Variants in TMTC4 observed in about 807,000 individuals in gnomAD.
The protein encoded by TMTC4 is transmembrane O-mannosyltransferase targeting cadherins 4, also known as protein O-mannosyl-transferase TMTC4.
In TMTC4, 65 loss-of-function variants were observed where a neutral mutation model predicts 86.0. The observed-to-expected ratio is 0.76, with a 90% CI of 0.62 to 0.93. The LOEUF (loss-of-function observed/expected upper bound fraction) is 0.93, where lower values mean the gene tolerates loss of function less well. Ranked by LOEUF, TMTC4 falls within the 40% of genes least tolerant of loss-of-function variation. The pLI is 0.00. For synonymous variants in TMTC4, 379 were observed against 382.5 expected, an observed-to-expected ratio of 0.99 and a Z score of 0.11; for missense variants, 866 against 948.1, an observed-to-expected ratio of 0.91 and a Z score of 1.14.
rs1400518834 is a variant in TMTC4, at chr13:100,621,519, G to A, written c.1836+4016C>T. On this transcript the variant is annotated intron_variant, in intron 15 of 18. Coordinates refer to ENST00000342624, the MANE Select transcript of TMTC4 (RefSeq NM_032813.5). ...CGGTTCACTGCAAGCTCCGCCTCCC[G>A]GGTTCACGCCATTCTCCTGCCTCAG... Among the ~76,000 whole-genome samples, 13 of 152,066 alleles carry A rather than the reference G, an allele frequency of 8.5e-5. No homozygotes were observed. In the East Asian group the frequency reaches 1.9e-3, roughly 23 times the overall value.
At chr13:100,644,287 T>C (rs971085469) in intron 6 of TMTC4, among the ~76,000 whole-genome samples, 1 of 151,952 alleles carries the variant, frequency 6.6e-6, no homozygotes, top group Admixed American at 6.5e-5. Context: ...GTATTTTTAG[T>C]AGAGACGGGG....
intron 2 of TMTC4, among the ~76,000 whole-genome samples, chr13:100,669,387 C>A (rs530034458): frequency 6.6e-6 from 1 of 152,208 alleles, no homozygotes; most frequent in African/African-American, 2.4e-5. Context: ...TCCTAGGCTA[C>A]TGGCTCAACA....
At chr13:100,656,733 G>C (rs972203561) in intron 5 of TMTC4, among the ~76,000 whole-genome samples, 1 of 151,640 alleles carries the variant, frequency 6.6e-6, no homozygotes, top group South Asian at 2.1e-4. Context: ...TTGTAGAGAC[G>C]GGGTTTCACC....
intron 6 of TMTC4, among the ~76,000 whole-genome samples, chr13:100,645,582 C>T (rs1311796998): frequency 6.6e-6 from 1 of 151,874 alleles, no homozygotes; most frequent in Non-Finnish European, 1.5e-5. Flanking sequence ...CTCTCCATGT[C>T]CCTGACTGCC....
At chr13:100,665,806 G>GT (rs1212767569) in intron 3 of TMTC4, among the ~76,000 whole-genome samples, 2 of 152,244 alleles carry the variant, frequency 1.3e-5, no homozygotes, top group Non-Finnish European at 2.9e-5. Context: ...TGCAAAGCTG[G>GT]TCACTGATGT....
chr13:100,621,274 G>A (rs1000832734), intron 15 of TMTC4, among the ~76,000 whole-genome samples: 5 of 152,136 alleles, frequency 3.3e-5, no homozygotes, highest in African/African-American at 1.2e-4. Flanking sequence ...TGCAGTGACG[G>A]GCAGCTACTA....
Position 100,603,966 on chromosome 13 carries a change from A to T in TMTC4, c.*1028T>A, listed in dbSNP as rs1340146054. 6.5e-6 allele frequency: 1 copy of T among 152,682 alleles called. No homozygotes were observed. Among genetic ancestry groups the T allele is most frequent in the African/African-American group, 2.4e-5 (1 of 41,474 alleles). The allele number at this position is 152,682 out of a possible 1,614,324, so 9.5% of individuals were successfully genotyped here. On this transcript the variant is annotated 3_prime_UTR_variant, in exon 19 of 19. Transcript: ENST00000342624. ...TGTGTAGTAATTTTACTGCATAAGA[A>T]ATTACAGAGATTGCATAAATCATTA...
intron 12 of TMTC4, among the ~76,000 whole-genome samples, chr13:100,630,536 A>G (rs181171602): frequency 1.3e-5 from 2 of 152,288 alleles, no homozygotes; most frequent in East Asian, 3.9e-4. Context: ...CTAAATGATT[A>G]GAATTTGAGC....
At chr13:100,607,204 TTAAGGGGAGCATGCTTTCA>T (rs2153020874) in intron 17 of TMTC4, among the ~76,000 whole-genome samples, 1 of 152,290 alleles carries the variant, frequency 6.6e-6, no homozygotes, top group African/African-American at 2.4e-5. Context: ...TTCGCATTCC[TTAAGGGGAGCATGCTTTCA>T]TCAGTATCAC....
chr13:100,663,651 G>A (rs1177149705), intron 4 of TMTC4, among the ~76,000 whole-genome samples: 1 of 152,182 alleles, frequency 6.6e-6, no homozygotes, highest in African/African-American at 2.4e-5. Flanking sequence ...TCCGCTGGCA[G>A]GGATTCCTAT....
At chr13:100,665,567 G>A (rs899933407) in intron 3 of TMTC4, among the ~76,000 whole-genome samples, 3 of 152,308 alleles carry the variant, frequency 2.0e-5, no homozygotes, top group South Asian at 2.1e-4. Context: ...CCCACCTCGC[G>A]TGACCAGTTC....
In TMTC4 at chr13:100,642,313, T is replaced by A. The variant is rs1343567808; in HGVS notation, c.641-2A>T. 6.2e-7 allele frequency: 1 copy of A among 1,614,064 alleles called. No individual in the cohort carries two copies. The highest frequency in any genetic ancestry group is 1.3e-5 in the African/African-American group (1 of 74,940). ...AAGAATGCGCTCCCTCCTTGTTACC[T>A]GCCAATTAAGAGAAATGATCAGTGC... On this transcript the variant is annotated splice_acceptor_variant, in intron 6 of 18. Coordinates refer to ENST00000342624, the MANE Select transcript of TMTC4 (RefSeq NM_032813.5). LOFTEE classifies it high-confidence loss of function.
In TMTC4 at chr13:100,638,011, C is replaced by T. The variant is rs368785160; in HGVS notation, c.753G>A (p.Ala251=). The change falls in exon 8 of 19, where the codon GCG becomes GCA. Residue 251 remains alanine, a synonymous_variant. Coordinates refer to ENST00000342624, the MANE Select transcript of TMTC4 (RefSeq NM_032813.5). ...EQGITVLGLN[A]VFDILVIGKF... Reference sequence around the variant, plus strand: ...TGCCTATCACCAAGATGTCAAATACCGCATTTAAACCCTAAGAAAGCAAAG... The same window carrying T: ...TGCCTATCACCAAGATGTCAAATACTGCATTTAAACCCTAAGAAAGCAAAG... 1.9e-5 allele frequency: 30 copies of T among 1,613,640 alleles called. No individual in the cohort carries two copies. In the East Asian group the frequency reaches 2.2e-4, roughly 12 times the overall value.
At chr13:100,624,528 A>G (rs1033237940) in intron 15 of TMTC4, 2 of 152,380 alleles carry the variant, frequency 1.3e-5, no homozygotes, top group Non-Finnish European at 2.9e-5. Flanking sequence ...TTCTGACAAC[A>G]TAAGAACTCT....
chr13:100,616,496 C>T (rs977223346), intron 15 of TMTC4, among the ~76,000 whole-genome samples: 1 of 152,144 alleles, frequency 6.6e-6, no homozygotes, highest in Non-Finnish European at 1.5e-5. Flanking sequence ...CCACTGTGCC[C>T]GGCCGCATGT....
intron 15 of TMTC4, among the ~76,000 whole-genome samples, chr13:100,620,133 T>C (rs997181217): frequency 6.6e-6 from 1 of 152,164 alleles, no homozygotes; most frequent in East Asian, 1.9e-4. Flanking sequence ...ATGGGTAACA[T>C]CAATCACCCA....
At chr13:100,613,135 T>C (rs774425237) in intron 16 of TMTC4, among the ~76,000 whole-genome samples, 12 of 152,202 alleles carry the variant, frequency 7.9e-5, no homozygotes, top group Non-Finnish European at 1.2e-4. Context: ...TCTTGTGAAA[T>C]ATATCATAAA....
chr13:100,617,478 T>G (rs947264306), intron 15 of TMTC4, among the ~76,000 whole-genome samples: 1 of 152,226 alleles, frequency 6.6e-6, no homozygotes, highest in African/African-American at 2.4e-5. Context: ...ATTTAAATTT[T>G]TAATCTATCT....
Position 100,605,976 on chromosome 13 carries a change from A to T in TMTC4, c.2134+382T>A, listed in dbSNP as rs1374294492. 6.6e-6 allele frequency among the ~76,000 whole-genome samples: 1 copy of T among 152,156 alleles called. No homozygotes were observed. The highest frequency in any genetic ancestry group is 6.5e-5 in the Admixed American group (1 of 15,276). ...GCTGGAAGGGGAAGGTCTACTCTGT[A>T]AGAAGGAAGGAAAAGGAGGTAAGTT... On this transcript the variant is annotated intron_variant, in intron 18 of 18. Coordinates refer to ENST00000342624, the MANE Select transcript of TMTC4 (RefSeq NM_032813.5). This position sits in a 1 kb window ranked among gnomAD's most constrained non-coding sequence, Gnocchi z 4.3.
Sources: gnomAD v4.1 joint callset for allele counts (sites outside exome capture counted in the v4.1 genomes callset) on GRCh38, gnomAD v4.1.1 for gene constraint, Gnocchi (gnomAD v3.1) non-coding constraint, MANE v1.5 for transcripts, NCBI Gene and HGNC (gene_info 2026-07-23, HGNC 2026-07-21) for gene names.